The following GGA3 variants were observed in gnomAD, a reference collection of about 807,000 sequenced individuals.
GGA3 encodes the protein ADP-ribosylation factor-binding protein GGA3.
GGA3 carries 57 observed loss-of-function variants against 77.5 expected under a neutral mutation model. The observed-to-expected ratio is 0.74, with a 90% CI of 0.59 to 0.92. GGA3 has a LOEUF of 0.92. GGA3 is among the 40% of genes least tolerant of loss of function. The pLI is 0.00. For missense variants in GGA3, 970 were observed against 914.9 expected, an observed-to-expected ratio of 1.06 and a Z score of -0.78; for synonymous variants, 416 against 383.7, an observed-to-expected ratio of 1.08 and a Z score of -0.98.
rs533247642 is a variant in GGA3 at position 75,258,253 on chromosome 17, T to C, written c.40+3295A>G. ...CCATGTTGCTCACACAAAGCCTGTT[T>C]GGTAGTCTCTTCACACGGACGCGCA... On this transcript the variant is annotated intron_variant, in intron 1 of 16. Coordinates refer to ENST00000537686, the MANE Select transcript of GGA3 (RefSeq NM_138619.4). Among the ~76,000 whole-genome samples, 6 of 152,344 alleles carry C rather than the reference T, an allele frequency of 3.9e-5. No individual in the cohort carries two copies. In the South Asian group the frequency reaches 6.2e-4, roughly 16 times the overall value.
intron 13 of GGA3, 50 bp downstream of exon 13, chr17:75,239,737 GAC>G (rs2076464306): frequency 1.3e-6 from 2 of 1,591,102 alleles, no homozygotes; most frequent in Non-Finnish European, 1.7e-6. Context: ...CTCTGGTTCT[GAC>G]ACATTCAGGC....
Position 75,260,664 on chromosome 17 carries a change from A to G in GGA3, c.40+884T>C, listed in dbSNP as rs1009402984. Among the ~76,000 whole-genome samples the G allele has an allele frequency of 2.2e-4, 34 of 152,198 alleles. 1 individual carries two copies. The highest frequency in any genetic ancestry group is 8.2e-4 in the African/African-American group (34 of 41,456). On this transcript the variant is annotated intron_variant, in intron 1 of 16. Transcript: ENST00000537686. ...CAATACTAGGTATCTCACCTATCCC[A>G]TTACCAGTCCAATTTCTCTCTCCAC...
intron 8 of GGA3, 87 bp from the exon 9 acceptor site, chr17:75,241,783 C>T (rs1567784227): frequency 1.2e-5 from 14 of 1,155,914 alleles, no homozygotes; most frequent in South Asian, 8.7e-5. Context: ...AGAAAATGAC[C>T]GGGATATGCC....
intron 1 of GGA3, among the ~76,000 whole-genome samples, chr17:75,253,154 C>T (rs2077029364): frequency 6.6e-6 from 1 of 152,204 alleles, no homozygotes; most frequent in Non-Finnish European, 1.5e-5. Flanking sequence ...GACCTCAGGT[C>T]CTCAGACCCA....
At chr17:75,244,501 G>A (rs774426626) in intron 4 of GGA3, 118 bp downstream of exon 4, 2 of 748,636 alleles carry the variant, frequency 2.7e-6, no homozygotes, top group Admixed American at 3.8e-5. Context: ...CTAAGGACAA[G>A]ACACAAATAA....
chr17:75,244,453 C>G, intron 4 of GGA3, 166 bp downstream of exon 4: 1 of 633,434 alleles, frequency 1.6e-6, no homozygotes, highest in Non-Finnish European at 2.8e-6. Flanking sequence ...GTCCCTGTGG[C>G]CTGTTTGGTC....
At chr17:75,250,214 C>T (rs931889793) in intron 1 of GGA3, among the ~76,000 whole-genome samples, 1 of 152,232 alleles carries the variant, frequency 6.6e-6, no homozygotes, top group African/African-American at 2.4e-5. Flanking sequence ...AGAGGTGACA[C>T]CCGAGCTTCC....
In GGA3 at chr17:75,238,372, C is replaced by T. The variant is rs750640788; in HGVS notation, c.2079G>A (p.Arg693=). The T allele has an allele frequency of 6.2e-7, 1 of 1,613,726 alleles. No homozygotes were observed. The highest frequency in any genetic ancestry group is 1.1e-5 in the South Asian group (1 of 91,074). ...CCCCCAGGGCGAAGGTCAGCTTATA[C>T]CGAAGCCGCACCTTCTCCTGTGACA... ...ANPLKEKVRL[R]YKLTFALGEQ... is the part of the protein sequence containing the mutation. Residue 693 remains arginine, a synonymous_variant, in exon 17 of 17, where the codon CGG becomes CGA. Coordinates refer to ENST00000537686, the MANE Select transcript of GGA3 (RefSeq NM_138619.4).
chr17:75,252,654 A>G (rs1489232652), intron 1 of GGA3, among the ~76,000 whole-genome samples: 2 of 152,198 alleles, frequency 1.3e-5, no homozygotes, highest in Non-Finnish European at 2.9e-5. Flanking sequence ...AAGCCATGGC[A>G]TCCCCTATGA....
intron 1 of GGA3, among the ~76,000 whole-genome samples, chr17:75,250,090 C>T (rs778827139): frequency 1.3e-5 from 2 of 152,208 alleles, no homozygotes; most frequent in Admixed American, 1.3e-4. Flanking sequence ...CCCACAGGAA[C>T]GGGAAGGAAC....
intron 1 of GGA3, among the ~76,000 whole-genome samples, chr17:75,257,310 CCTA>C (rs934747904): frequency 1.4e-5 from 2 of 138,856 alleles, no homozygotes; most frequent in African/African-American, 5.0e-5. Flanking sequence ...TGTCATCATC[CCTA>C]CTATCTTCTG....
At chr17:75,257,431 C>G (rs1256138584) in intron 1 of GGA3, among the ~76,000 whole-genome samples, 1 of 152,116 alleles carries the variant, frequency 6.6e-6, no homozygotes, top group African/African-American at 2.4e-5. Flanking sequence ...GATATCTCCT[C>G]GTGCTATCCC....
chr17:75,256,772 C>G (rs977312417), intron 1 of GGA3, among the ~76,000 whole-genome samples: 9 of 152,092 alleles, frequency 5.9e-5, no homozygotes, highest in African/African-American at 1.9e-4. Context: ...GATTTGCCCC[C>G]ACCCAGGACT....
intron 4 of GGA3, 72 bp from the exon 5 acceptor site, chr17:75,243,642 C>A: frequency 6.7e-7 from 1 of 1,491,248 alleles, no homozygotes; most frequent in Non-Finnish European, 9.2e-7. Flanking sequence ...GCTCCCTCCA[C>A]AGCAATGGCG....
intron 1 of GGA3, among the ~76,000 whole-genome samples, chr17:75,253,837 T>G (rs1366211318): frequency 1.3e-5 from 2 of 152,116 alleles, no homozygotes; most frequent in Non-Finnish European, 2.9e-5. Context: ...CCTCCATTCC[T>G]CCTTCTCCCT....
Position 75,237,964 on chromosome 17 carries a change from A to G in GGA3, c.*315T>C. On this transcript the variant is annotated 3_prime_UTR_variant, in exon 17 of 17. Coordinates refer to ENST00000537686, the MANE Select transcript of GGA3 (RefSeq NM_138619.4). ...CAGTGGCTTCAGTGAATGCCAGTAG[A>G]AGGAAGCAAACACCTACGCCAAGCC... 1 of 1,119,022 alleles carries G rather than the reference A, an allele frequency of 8.9e-7. No homozygotes were observed. Among genetic ancestry groups the G allele is most frequent in the Non-Finnish European group, 1.1e-6 (1 of 918,292 alleles). The allele number at this position is 1,119,022 out of a possible 1,614,324, so 69.3% of individuals were successfully genotyped here.
intron 16 of GGA3, 57 bp from the exon 17 acceptor site, chr17:75,238,446 C>T (rs2076397629): frequency 1.4e-6 from 2 of 1,395,732 alleles, no homozygotes; most frequent in Non-Finnish European, 2.0e-6. Flanking sequence ...GCAGGACGCC[C>T]TCTATTCTGC....
At chr17:75,259,516 G>C (rs1028517072) in intron 1 of GGA3, among the ~76,000 whole-genome samples, 5 of 152,152 alleles carry the variant, frequency 3.3e-5, no homozygotes, top group African/African-American at 9.7e-5. Context: ...GAGTAGAGCA[G>C]GAAAACGTAG....
chr17:75,244,761 G>A (rs754615339), intron 3 of GGA3, 44 bp from the exon 4 acceptor site: 2 of 1,322,540 alleles, frequency 1.5e-6, no homozygotes, highest in South Asian at 2.4e-5. Context: ...GGCGTGCTCG[G>A]GGCTGGAACC....
Sources: gnomAD v4.1 joint callset for allele counts (sites outside exome capture counted in the v4.1 genomes callset) on GRCh38, gnomAD v4.1.1 for gene constraint, MANE v1.5 for transcripts, NCBI Gene and HGNC (gene_info 2026-07-23, HGNC 2026-07-21) for gene names.